Variants in PRELID2 observed in about 807,000 individuals in gnomAD.
PRELID2 encodes PRELI domain containing 2, also known as PRELI domain-containing protein 2.
Under a neutral mutation model 28.4 loss-of-function variants are expected in PRELID2, and 25 were observed. That is an observed-to-expected ratio of 0.88 (90% CI 0.64 to 1.23). The LOEUF (loss-of-function observed/expected upper bound fraction) is 1.23. PRELID2 is among the 50% of genes most tolerant of loss of function. The pLI is 0.00. For missense variants in PRELID2, 201 were observed against 214.4 expected (o/e 0.94, Z 0.39); for synonymous variants, 76 against 71.6 (o/e 1.06, Z -0.31).
intron 1 of PRELID2, among the ~76,000 whole-genome samples, chr5:145,482,737 T>A (rs934478451): frequency 6.6e-6 from 1 of 151,898 alleles, no homozygotes; most frequent in African/African-American, 2.4e-5. Flanking sequence ...GTAGAATCAG[T>A]AGGAGCCCTG....
chr5:145,310,356 G>C, the PRELID2 span, among the ~76,000 whole-genome samples: 1 of 152,164 alleles, frequency 6.6e-6, no homozygotes, highest in Admixed American at 6.5e-5. Flanking sequence ...TGAGTTTTCA[G>C]GGATAACAAT....
chr5:145,321,526 A>G, the PRELID2 span, among the ~76,000 whole-genome samples: 1 of 152,206 alleles, frequency 6.6e-6, no homozygotes, highest in Non-Finnish European at 1.5e-5. Context: ...GCAGTTGAGA[A>G]CAGAGAGACA....
chr5:145,241,673 T>C, the PRELID2 span, among the ~76,000 whole-genome samples: 1 of 152,068 alleles, frequency 6.6e-6, no homozygotes, highest in South Asian at 2.1e-4. Context: ...GGGTCATTTA[T>C]CTATCTAGAA....
intron 1 of PRELID2, among the ~76,000 whole-genome samples, chr5:145,547,225 T>G (rs1752795596): frequency 6.6e-6 from 1 of 152,208 alleles, no homozygotes; most frequent in Non-Finnish European, 1.5e-5. Flanking sequence ...AACCAAATTT[T>G]TTCCCTTAAT....
intron 1 of PRELID2, among the ~76,000 whole-genome samples, chr5:145,723,754 T>C (rs1403852523): frequency 6.6e-6 from 1 of 152,176 alleles, no homozygotes; most frequent in Non-Finnish European, 1.5e-5. Context: ...GGAATGTAAA[T>C]GACACAACTC....
chr5:145,820,029 A>T lies in PRELID2; in HGVS notation c.134-11T>A. On this transcript the variant is annotated splice_polypyrimidine_tract_variant and intron_variant, in intron 2 of 6. Transcript: ENST00000683046. ...CCCCTGTTGATTCATCTAAAAAAGAAATTTTTTTACACAAAAAAAAATTAA... is the reference window on the plus strand; with the variant it reads ...CCCCTGTTGATTCATCTAAAAAAGATATTTTTTTACACAAAAAAAAATTAA... The T allele has an allele frequency of 2.6e-6, 4 of 1,523,496 alleles. No homozygotes were observed. The highest frequency in any genetic ancestry group is 3.6e-6 in the Non-Finnish European group (4 of 1,112,378). The allele number at this position is 1,523,496 out of a possible 1,614,324, so 94.4% of individuals were successfully genotyped here. A position where few individuals can be genotyped will look rare whatever the true frequency, so the allele number is the denominator to read the frequency against.
intron 4 of PRELID2, among the ~76,000 whole-genome samples, chr5:145,810,386 A>G (rs577812502): frequency 1.3e-5 from 2 of 152,342 alleles, no homozygotes; most frequent in South Asian, 4.1e-4. Flanking sequence ...TGAACCTAGA[A>G]GAAAACCAGA....
At position 145,825,702 on chromosome 5, in the gene PRELID2, C is replaced by T. The variant is rs192606593; in HGVS notation, c.76-2568G>A. Among the ~76,000 whole-genome samples the T allele has an allele frequency of 2.6e-3, 399 of 152,258 alleles. 2 individuals are homozygous for T. Among genetic ancestry groups the T allele is most frequent in the African/African-American group, 8.8e-3 (365 of 41,560 alleles). On this transcript the variant is annotated intron_variant, in intron 1 of 6. Coordinates refer to ENST00000683046, the MANE Select transcript of PRELID2 (RefSeq NM_205846.3). ...TATAAACTCAAATACTTCACACTTA[C>T]ATAATTTTTGGAGTTGAACAGCCAA...
chr5:145,568,667 C>G (rs990292969), intron 1 of PRELID2, among the ~76,000 whole-genome samples: 1 of 152,194 alleles, frequency 6.6e-6, no homozygotes, highest in Non-Finnish European at 1.5e-5. Context: ...TGCTATTGCA[C>G]TTTTAGGTCT....
intron 1 of PRELID2, among the ~76,000 whole-genome samples, chr5:145,669,199 T>C (rs1754655880): frequency 6.6e-6 from 1 of 152,114 alleles, no homozygotes; most frequent in Admixed American, 6.6e-5. Flanking sequence ...TTTCAGATTA[T>C]TGGATAGGAA....
chr5:145,600,571 T>C (rs1753382333), intron 1 of PRELID2, among the ~76,000 whole-genome samples: 1 of 151,894 alleles, frequency 6.6e-6, no homozygotes, highest in South Asian at 2.1e-4. Context: ...GAGTGATCAC[T>C]GCTCAGTAGC....
At chr5:145,319,690 A>G in the PRELID2 span, among the ~76,000 whole-genome samples, 1 of 142,432 alleles carries the variant, frequency 7.0e-6, no homozygotes, top group Non-Finnish European at 1.5e-5. Flanking sequence ...AAAATAAATA[A>G]ATAAATAAAT....
intron 5 of PRELID2, among the ~76,000 whole-genome samples, chr5:145,780,322 C>T (rs1243960724): frequency 6.6e-6 from 1 of 152,174 alleles, no homozygotes; most frequent in Admixed American, 6.5e-5. Flanking sequence ...AACAACTGAT[C>T]ATTTGTTGTT....
At chr5:145,236,048 C>T in the PRELID2 span, among the ~76,000 whole-genome samples, 1 of 152,100 alleles carries the variant, frequency 6.6e-6, no homozygotes. Context: ...GATGCTCGAC[C>T]TCAGATTTCC....
chr5:145,807,444 G>A (rs114910591), intron 4 of PRELID2, among the ~76,000 whole-genome samples: 4 of 151,940 alleles, frequency 2.6e-5, no homozygotes, highest in African/African-American at 9.7e-5. Context: ...ACATTTATTC[G>A]GTGCTTCATA....
At chr5:145,306,188 G>A in the PRELID2 span, among the ~76,000 whole-genome samples, 5 of 152,138 alleles carry the variant, frequency 3.3e-5, no homozygotes, top group Admixed American at 3.3e-4. Context: ...GGAGTTTGAA[G>A]GACATTTTAC....
At chr5:145,317,678 T>C in the PRELID2 span, among the ~76,000 whole-genome samples, 1 of 152,330 alleles carries the variant, frequency 6.6e-6, no homozygotes, top group South Asian at 2.1e-4. Flanking sequence ...CCATCATGGC[T>C]AAATCTCTTC....
At chr5:145,741,621 AATAATTTATTTATAATTT>A (rs1756761586) in intron 1 of PRELID2, among the ~76,000 whole-genome samples, 2 of 16,884 alleles carry the variant, frequency 1.2e-4, no homozygotes, top group African/African-American at 1.6e-4. Context: ...TTTATATATA[AATAATTTATTTATAATTT>A]ATTTATATAT....
the PRELID2 span, among the ~76,000 whole-genome samples, chr5:145,457,601 A>C: frequency 6.6e-6 from 1 of 152,160 alleles, no homozygotes; most frequent in East Asian, 1.9e-4. Flanking sequence ...AATGCTGGTG[A>C]CCTGATGGGC....
Sources: allele counts gnomAD v4.1 joint callset (sites outside exome capture counted in the v4.1 genomes callset), GRCh38; gene constraint gnomAD v4.1.1; transcripts MANE v1.5; gene names NCBI Gene and HGNC (gene_info 2026-07-23, HGNC 2026-07-21).